The following LONRF1 variants were observed in gnomAD, a reference collection of about 807,000 sequenced individuals.
LONRF1 encodes the protein LON peptidase N-terminal domain and ring finger 1, also known as LON peptidase N-terminal domain and RING finger protein 1.
In LONRF1, 37 loss-of-function variants were observed where a neutral mutation model predicts 85.8. The observed-to-expected ratio is 0.43, with a 90% CI of 0.33 to 0.57. The LOEUF is 0.57. LONRF1 is among the 20% of genes least tolerant of loss of function. LONRF1 has a pLI of 0.04. For synonymous variants in LONRF1, 517 were observed against 390.1 expected (o/e 1.33, Z -3.83); for missense variants, 1,036 against 978.0 (o/e 1.06, Z -0.79).
chr8:12,741,094 C>T (rs534530322), intron 2 of LONRF1, 98 bp from the exon 3 acceptor site: 11 of 1,406,018 alleles, frequency 7.8e-6, no homozygotes, highest in African/African-American at 5.7e-5. Flanking sequence ...TCAGCAGTGC[C>T]GATTCTGGGC....
chr8:12,749,453 T>C (rs1483227347), intron 1 of LONRF1, among the ~76,000 whole-genome samples: 1 of 152,174 alleles, frequency 6.6e-6, no homozygotes, highest in African/African-American at 2.4e-5. Context: ...AGAAATACCT[T>C]TGGAAAGAGG....
At position 12,723,137 on chromosome 8, in the gene LONRF1, G is replaced by T. The variant is rs779409707; in HGVS notation, c.2281C>A (p.Gln761Lys). The T allele has an allele frequency of 6.2e-7, 1 of 1,614,108 alleles. No homozygotes were observed. The highest frequency in any genetic ancestry group is 8.5e-7 in the Non-Finnish European group (1 of 1,179,980). Residue 761 changes from glutamine to lysine, a missense_variant, in exon 12 of 12, where the codon CAG (glutamine) becomes AAG (lysine). Gln to Lys is a moderately conservative substitution (Grantham distance 53). This residue lies in a region of LONRF1 where 265 missense variants were observed against 301.5 expected (regional missense o/e 0.88). Coordinates refer to ENST00000398246, the MANE Select transcript of LONRF1 (RefSeq NM_152271.5). ...KSLKERLTKI[Q>K]HILTYFSRDQ... The stretch of plus-strand genomic sequence containing the variant: ...CTAGAAAAATAGGTCAGTATATGCT[G>T]TATCTTGGTCAACCGTTCTTTCAAA...
Position 12,755,464 on chromosome 8 carries a change from C to G in LONRF1, c.-44G>C, listed in dbSNP as rs1457184074. Reference sequence around the variant, plus strand: ...CCGCCGCCGCCCGCCGCCACGGTCCCGGAGCCTCCCGGGCGCGCGGCTCCG... The same window carrying G: ...CCGCCGCCGCCCGCCGCCACGGTCCGGGAGCCTCCCGGGCGCGCGGCTCCG... On this transcript the variant is annotated 5_prime_UTR_variant, in exon 1 of 12. Coordinates refer to ENST00000398246, the MANE Select transcript of LONRF1 (RefSeq NM_152271.5). 15 of 1,050,240 alleles carry G rather than the reference C, an allele frequency of 1.4e-5. No homozygotes were observed. The South Asian group carries it at 6.3e-4, about 44-fold the overall frequency. The allele number at this position is 1,050,240 out of a possible 1,614,324, so 65.1% of individuals were successfully genotyped here.
chr8:12,747,286 G>A (rs1799199522), intron 1 of LONRF1, among the ~76,000 whole-genome samples: 1 of 152,174 alleles, frequency 6.6e-6, no homozygotes, highest in South Asian at 2.1e-4. Flanking sequence ...CTATTCTAGA[G>A]TCATGGTTTT....
At chr8:12,735,634 G>A in intron 6 of LONRF1, 2 of 452,310 alleles carry the variant, frequency 4.4e-6, no homozygotes, top group South Asian at 3.2e-5. Flanking sequence ...GCCTAGAGCT[G>A]TCCTGACTAA....
chr8:12,722,983 G>T lies in LONRF1; in HGVS notation c.*113C>A. 2.8e-6 allele frequency: 3 copies of T among 1,064,352 alleles called. No homozygotes were observed. Among genetic ancestry groups the T allele is most frequent in the South Asian group, 1.8e-5 (1 of 56,718 alleles). 65.9% of individuals were successfully genotyped at this position (1,064,352 alleles called of 1,614,324 possible). Reference sequence around the variant, plus strand: ...ATGATTCAGGAGGTCGAAGGAAAAAGAAAAGTTTCATTAAATTTCTGAAAC... The same window carrying T: ...ATGATTCAGGAGGTCGAAGGAAAAATAAAAGTTTCATTAAATTTCTGAAAC... On this transcript the variant is annotated 3_prime_UTR_variant, in exon 12 of 12. Transcript: ENST00000398246.
At chr8:12,737,222 A>G in intron 4 of LONRF1, 82 bp from the exon 5 acceptor site, 1 of 1,459,206 alleles carries the variant, frequency 6.9e-7, no homozygotes, top group South Asian at 1.2e-5. Context: ...CTGAAATGAA[A>G]TTTCAATGCC....
intron 1 of LONRF1, among the ~76,000 whole-genome samples, chr8:12,747,089 G>T (rs1245699220): frequency 6.6e-6 from 1 of 152,102 alleles, no homozygotes; most frequent in Non-Finnish European, 1.5e-5. Context: ...TCCTGAATTA[G>T]AAAAAATTCA....
chr8:12,735,646 G>A (rs760361092), intron 6 of LONRF1: 8 of 419,312 alleles, frequency 1.9e-5, no homozygotes, highest in East Asian at 7.9e-5. Context: ...CCTGACTAAC[G>A]CAACAGCCCC....
At chr8:12,742,554 T>C (rs1798978045) in intron 2 of LONRF1, among the ~76,000 whole-genome samples, 1 of 152,194 alleles carries the variant, frequency 6.6e-6, no homozygotes, top group South Asian at 2.1e-4. Flanking sequence ...TTAATAAATC[T>C]CATTCAATGA....
chr8:12,753,226 G>A (rs764265258), intron 1 of LONRF1: 4 of 152,112 alleles, frequency 2.6e-5, no homozygotes. Flanking sequence ...TTTGTGCTTC[G>A]AACTCTAAAG....
intron 7 of LONRF1, among the ~76,000 whole-genome samples, chr8:12,734,071 C>T (rs1050953166): frequency 6.6e-6 from 1 of 152,098 alleles, no homozygotes; most frequent in Admixed American, 6.5e-5. Flanking sequence ...AACAGTTAAT[C>T]TGGAAAAACA....
chr8:12,740,964 A>G lies in LONRF1; in HGVS notation c.873T>C (p.Asp291=), dbSNP rs748624195. ...GTAAGGCATCACCTAAAAAACCAGC[A>G]TCGCAGAGTACTTTTCCTTTCCTGA... The part of the protein sequence containing the change: ...VYFRKGKVLC[D]AGFLGDALQL... Residue 291 remains aspartate, a synonymous_variant, in exon 3 of 12, where the codon GAT becomes GAC. Coordinates refer to ENST00000398246, the MANE Select transcript of LONRF1 (RefSeq NM_152271.5). 5 of 1,613,640 alleles carry G rather than the reference A, an allele frequency of 3.1e-6. No homozygotes were observed. The South Asian group carries it at 5.5e-5, about 18-fold the overall frequency.
At chr8:12,734,392 C>G (rs1798641196) in intron 7 of LONRF1, among the ~76,000 whole-genome samples, 3 of 152,128 alleles carry the variant, frequency 2.0e-5, no homozygotes, top group Admixed American at 2.0e-4. Context: ...ATGAATTTTT[C>G]AATTCATATT....
intron 2 of LONRF1, among the ~76,000 whole-genome samples, chr8:12,741,304 A>C (rs1220081383): frequency 6.6e-6 from 1 of 152,180 alleles, no homozygotes. Context: ...AAATCACTTG[A>C]ATATGGGAGG....
At chr8:12,737,602 G>C (rs1297485938) in intron 4 of LONRF1, among the ~76,000 whole-genome samples, 1 of 151,960 alleles carries the variant, frequency 6.6e-6, no homozygotes, top group Admixed American at 6.6e-5. Context: ...ATCTGTGAGA[G>C]GTCCTGGAAC....
intron 1 of LONRF1, 122 bp downstream of exon 1, chr8:12,754,578 G>A: frequency 8.9e-7 from 1 of 1,121,038 alleles, no homozygotes; most frequent in Non-Finnish European, 1.1e-6. Flanking sequence ...CGACACGCCA[G>A]CGGCCCAGCG....
At chr8:12,754,320 C>T (rs139020573) in intron 1 of LONRF1, 23 of 169,086 alleles carry the variant, frequency 1.4e-4, no homozygotes, top group Middle Eastern at 2.5e-3. Flanking sequence ...CCGGAAAGCG[C>T]GCGGCAGGAA....
chr8:12,754,884 C>T lies in LONRF1; in HGVS notation c.537G>A (p.Pro179=), dbSNP rs1441312743. 1.3e-6 allele frequency: 2 copies of T among 1,493,142 alleles called. No individual in the cohort carries two copies. Among genetic ancestry groups the T allele is most frequent in the Non-Finnish European group, 1.8e-6 (2 of 1,126,256 alleles). The allele number at this position is 1,493,142 out of a possible 1,614,324, so 92.5% of individuals were successfully genotyped here. Residue 179 remains proline, a synonymous_variant, in exon 1 of 12, where the codon CCG becomes CCA. Transcript: ENST00000398246. ...ATDAEGTAPR[P]PPLAAAIAAS... Reference sequence around the variant, plus strand: ...CGGCGATGGCGGCGGCCAGAGGCGGCGGCCGCGGGGCGGTCCCTTCAGCAT... The same window carrying T: ...CGGCGATGGCGGCGGCCAGAGGCGGTGGCCGCGGGGCGGTCCCTTCAGCAT...
Sources: allele counts gnomAD v4.1 joint callset (sites outside exome capture counted in the v4.1 genomes callset), GRCh38; gene constraint gnomAD v4.1.1; regional missense constraint gnomAD v4.1.1; transcripts MANE v1.5; gene names NCBI Gene and HGNC (gene_info 2026-07-23, HGNC 2026-07-21).